CASS4: variants seen among roughly 807,000 people sequenced by gnomAD.
CASS4 encodes the protein Cas scaffold protein family member 4, also known as cas scaffolding protein family member 4.
In CASS4, 22 loss-of-function variants were observed where a neutral mutation model predicts 54.2. The ratio of observed to expected loss-of-function variants is 0.41; its 90% CI spans 0.29 to 0.58. The LOEUF (loss-of-function observed/expected upper bound fraction) is 0.58. Among genes scored for constraint, CASS4 ranks in the 20% least tolerant of loss-of-function variants. The pLI is 0.36. For missense variants in CASS4, 854 were observed against 986.7 expected (o/e 0.87, Z 1.80); for synonymous variants, 409 against 391.5 (o/e 1.04, Z -0.53).
intron 1 of CASS4, among the ~76,000 whole-genome samples, chr20:56,435,631 G>C (rs565228542): frequency 6.6e-6 from 1 of 152,358 alleles, no homozygotes; most frequent in East Asian, 1.9e-4. Flanking sequence ...TTTTAGAACT[G>C]TGTGGCTAAC....
chr20:56,425,332 A>G (rs148515143), intron 1 of CASS4, among the ~76,000 whole-genome samples: 2,437 of 152,358 alleles, frequency 0.016, 40 homozygotes, highest in South Asian at 0.032. Context: ...CCCATTTAAC[A>G]GTCATTCGTT....
At chr20:56,420,635 TC>T (rs1979370570) in intron 1 of CASS4, among the ~76,000 whole-genome samples, 1 of 151,286 alleles carries the variant, frequency 6.6e-6, no homozygotes, top group African/African-American at 2.4e-5. Flanking sequence ...CCTCAAGCAG[TC>T]CTCCTGCCTC....
chr20:56,436,287 G>A (rs533930812), intron 1 of CASS4, among the ~76,000 whole-genome samples: 2 of 151,804 alleles, frequency 1.3e-5, no homozygotes, highest in East Asian at 3.9e-4. Flanking sequence ...ACATGACAGA[G>A]AGAGAGATAC....
chr20:56,424,614 A>G (rs887821954), intron 1 of CASS4, among the ~76,000 whole-genome samples: 1 of 151,668 alleles, frequency 6.6e-6, no homozygotes, highest in African/African-American at 2.4e-5. Context: ...GGTGGCATGC[A>G]CCTGTAGTCC....
chr20:56,415,985 T>C (rs1979117648), intron 1 of CASS4, among the ~76,000 whole-genome samples: 1 of 152,204 alleles, frequency 6.6e-6, no homozygotes, highest in Non-Finnish European at 1.5e-5. Flanking sequence ...ATTTAACACC[T>C]CATTCATTGG....
Position 56,451,878 on chromosome 20 carries a change from A to G in CASS4, c.702A>G (p.Leu234=). Residue 234 remains leucine (L), a synonymous_variant, in exon 5 of 6, where the codon TTA becomes TTG. Transcript: ENST00000679887. The part of the protein sequence containing the change: ...TTLRRGGYST[L]PNPQKSEWIY... ...TAAGAAGAGGCGGTTACAGCACATT[A>G]CCAAATCCTCAGAAATCGGAATGGA... 6.2e-7 allele frequency: 1 copy of G among 1,614,174 alleles called. No homozygotes were observed. The highest frequency in any genetic ancestry group is 8.5e-7 in the Non-Finnish European group (1 of 1,180,010).
At chr20:56,446,447 T>A (rs941181108) in intron 3 of CASS4, among the ~76,000 whole-genome samples, 3 of 152,204 alleles carry the variant, frequency 2.0e-5, no homozygotes, top group East Asian at 1.9e-4. Flanking sequence ...CACATTTTTT[T>A]AAATGATATT....
chr20:56,442,245 G>T (rs1000479126), intron 2 of CASS4, among the ~76,000 whole-genome samples: 2 of 151,718 alleles, frequency 1.3e-5, no homozygotes, highest in African/African-American at 2.4e-5. Flanking sequence ...AGGCGTCTAT[G>T]TGTCAGAATC....
intron 1 of CASS4, among the ~76,000 whole-genome samples, chr20:56,413,116 T>G (rs67041321): frequency 0.19 from 28,668 of 150,692 alleles, 4,446 homozygotes; most frequent in African/African-American, 0.43. Context: ...GTGAGAAGAT[T>G]AATTCAGCCC....
chr20:56,424,656 G>T (rs1198154490), intron 1 of CASS4, among the ~76,000 whole-genome samples: 1 of 147,990 alleles, frequency 6.8e-6, no homozygotes, highest in Non-Finnish European at 1.5e-5. Flanking sequence ...CAGGAGAATT[G>T]CTTGATCCCA....
chr20:56,417,215 CT>C lies in CASS4; in HGVS notation c.36+4722del, dbSNP rs145591378. 1.8e-3 allele frequency among the ~76,000 whole-genome samples: 277 copies of C among 152,290 alleles called. No homozygotes were observed. The East Asian group carries it at 0.023, about 12-fold the overall frequency. ...GGTTCTCTTTGTACCTTTAGCAGCT[CT>C]GAGGTGGTGAGCAAGACATTTCAAA... On this transcript the variant is annotated intron_variant, in intron 1 of 5. Coordinates refer to ENST00000679887, the MANE Select transcript of CASS4 (RefSeq NM_020356.4).
In CASS4 at chr20:56,458,782, C is replaced by G; in HGVS notation, c.*35C>G. On this transcript the variant is annotated 3_prime_UTR_variant, in exon 6 of 6. Transcript: ENST00000679887. ...ACCTCCCTTCCTCCTCTGCTCACCT[C>G]TCAGCTTCACACCCACAACTTGTGC... The G allele has an allele frequency of 6.5e-7, 1 of 1,533,258 alleles. No individual in the cohort carries two copies. The highest frequency in any genetic ancestry group is 8.8e-7 in the Non-Finnish European group (1 of 1,133,622). 95.0% of individuals were successfully genotyped at this position (1,533,258 alleles called of 1,614,324 possible).
intron 1 of CASS4, among the ~76,000 whole-genome samples, chr20:56,432,355 CTTTTTTTTTTT>C (rs922336949): frequency 4.9e-5 from 5 of 101,064 alleles, no homozygotes; most frequent in African/African-American, 1.6e-4. Flanking sequence ...TTCATAAGTC[CTTTTTTTTTTT>C]TTTTTTTTTT....
chr20:56,416,712 A>G (rs1007780413), intron 1 of CASS4, among the ~76,000 whole-genome samples: 1 of 152,082 alleles, frequency 6.6e-6, no homozygotes, highest in African/African-American at 2.4e-5. Flanking sequence ...ATTTTCCATC[A>G]TTTTCTGAGA....
intron 1 of CASS4, among the ~76,000 whole-genome samples, chr20:56,428,072 T>A (rs1371959473): frequency 1.3e-5 from 2 of 152,248 alleles, no homozygotes; most frequent in African/African-American, 4.8e-5. Flanking sequence ...CACTATGGAC[T>A]GGTGACCTCA....
chr20:56,415,939 A>G (rs1416355769), intron 1 of CASS4, among the ~76,000 whole-genome samples: 3 of 152,254 alleles, frequency 2.0e-5, no homozygotes, highest in Non-Finnish European at 4.4e-5. Context: ...AACACGTGAT[A>G]TTAGTGATAG....
Position 56,452,974 on chromosome 20 carries a change from T to C in CASS4, c.1798T>C (p.Leu600=). The part of the protein sequence containing the change: ...RNCEKEETVQ[L]TPNAEFKCEK... Reference sequence around the variant, plus strand: ...CTGTGAAAAGGAAGAGACTGTGCAGTTGACCCCAAATGCAGAATTTAAGTG... The same window carrying C: ...CTGTGAAAAGGAAGAGACTGTGCAGCTGACCCCAAATGCAGAATTTAAGTG... Residue 600 remains leucine (L), a synonymous_variant, in exon 5 of 6, where the codon TTG becomes CTG. Coordinates refer to ENST00000679887, the MANE Select transcript of CASS4 (RefSeq NM_020356.4). 6.2e-7 allele frequency: 1 copy of C among 1,614,102 alleles called. No homozygotes were observed. The highest frequency in any genetic ancestry group is 8.5e-7 in the Non-Finnish European group (1 of 1,180,028).
chr20:56,451,900 T>C lies in CASS4; in HGVS notation c.724T>C (p.Trp242Arg). The stretch of plus-strand genomic sequence containing the variant: ...ATTACCAAATCCTCAGAAATCGGAA[T>C]GGATTTATGACACTCCAGTGTCTCC... ...STLPNPQKSEWIYDTPVSPGK... is the reference protein window; with the variant it reads ...STLPNPQKSERIYDTPVSPGK... The change falls in exon 5 of 6, where the codon TGG becomes CGG. Residue 242 changes from tryptophan (W) to arginine (R), a missense_variant. Trp to Arg is a moderately radical substitution (Grantham distance 101). Transcript: ENST00000679887. The C allele has an allele frequency of 1.2e-6, 2 of 1,614,118 alleles. No homozygotes were observed. The highest frequency in any genetic ancestry group is 1.1e-5 in the South Asian group (1 of 91,078).
Position 56,451,906 on chromosome 20 carries a change from T to A in CASS4, c.730T>A (p.Tyr244Asn), listed in dbSNP as rs752134700. The A allele has an allele frequency of 2.5e-6, 4 of 1,614,168 alleles. No individual in the cohort carries two copies. The highest frequency in any genetic ancestry group is 3.4e-6 in the Non-Finnish European group (4 of 1,180,040). The change falls in exon 5 of 6, where the codon TAT becomes AAT. Residue 244 changes from tyrosine (Y) to asparagine (N), a missense_variant. By Grantham distance (143) the Tyr-to-Asn change is moderately radical. Transcript: ENST00000679887. ...AAATCCTCAGAAATCGGAATGGATTTATGACACTCCAGTGTCTCCAGGAAA... is the reference window on the plus strand; with the variant it reads ...AAATCCTCAGAAATCGGAATGGATTAATGACACTCCAGTGTCTCCAGGAAA... ...LPNPQKSEWI[Y>N]DTPVSPGKAS...
Sources: allele counts gnomAD v4.1 joint callset (sites outside exome capture counted in the v4.1 genomes callset), GRCh38; gene constraint gnomAD v4.1.1; transcripts MANE v1.5; gene names NCBI Gene and HGNC (gene_info 2026-07-23, HGNC 2026-07-21).